PACS1: variants seen among roughly 807,000 people sequenced by gnomAD.
PACS1 encodes the protein PACS-1.
PACS1 carries 24 observed loss-of-function variants against 115.0 expected under a neutral mutation model. The observed-to-expected ratio is 0.21, with a 90% CI of 0.15 to 0.29. PACS1 has a LOEUF of 0.29. Among genes scored for constraint, PACS1 ranks in the 10% least tolerant of loss-of-function variants. PACS1 has a pLI of 1.00. For synonymous variants in PACS1, 453 were observed against 504.5 expected, an observed-to-expected ratio of 0.90 and a Z score of 1.37; for missense variants, 838 against 1,251.2, an observed-to-expected ratio of 0.67 and a Z score of 4.98.
At chr11:66,144,005 T>G (rs1427898064) in intron 1 of PACS1, among the ~76,000 whole-genome samples, 4 of 152,222 alleles carry the variant, frequency 2.6e-5, no homozygotes, top group Non-Finnish European at 4.4e-5. Flanking sequence ...GGAATTAACT[T>G]AGAGTGGACT....
At chr11:66,197,971 C>T (rs1008137252) in intron 2 of PACS1, among the ~76,000 whole-genome samples, 7 of 152,126 alleles carry the variant, frequency 4.6e-5, no homozygotes, top group Non-Finnish European at 5.9e-5. Flanking sequence ...TAGTTGTTTT[C>T]TATTAAGTCA....
Position 66,137,732 on chromosome 11 carries a change from C to T in PACS1, c.357-55754C>T, listed in dbSNP as rs138714427. 7.6e-4 allele frequency among the ~76,000 whole-genome samples: 115 copies of T among 152,200 alleles called. 1 individual carries two copies. Among genetic ancestry groups the T allele is most frequent in the African/African-American group, 2.7e-3 (112 of 41,520 alleles). On this transcript the variant is annotated intron_variant, in intron 1 of 23. Transcript: ENST00000320580. Reference sequence around the variant, plus strand: ...CTGTCCTTTGGACTCCAGTGGAGAGCCATTACTCACTGTTTCCTATTTTAG... The same window carrying T: ...CTGTCCTTTGGACTCCAGTGGAGAGTCATTACTCACTGTTTCCTATTTTAG...
chr11:66,137,392 C>T (rs1288080046), intron 1 of PACS1, among the ~76,000 whole-genome samples: 6 of 152,078 alleles, frequency 3.9e-5, no homozygotes, highest in African/African-American at 1.4e-4. Flanking sequence ...TTGAATTACT[C>T]ATTTTTTCCT....
At chr11:66,164,672 C>T (rs1859564086) in intron 1 of PACS1, among the ~76,000 whole-genome samples, 1 of 127,260 alleles carries the variant, frequency 7.9e-6, no homozygotes, top group African/African-American at 3.1e-5. Context: ...TGGTCTTGAA[C>T]TCCTGAGCTC....
chr11:66,203,839 A>G (rs1034877066), intron 2 of PACS1, among the ~76,000 whole-genome samples: 7 of 149,794 alleles, frequency 4.7e-5, no homozygotes, highest in Non-Finnish European at 7.4e-5. Flanking sequence ...CTCTCACTAT[A>G]TACAAAAATC....
At chr11:66,127,237 G>C (rs747310166) in intron 1 of PACS1, among the ~76,000 whole-genome samples, 1 of 152,192 alleles carries the variant, frequency 6.6e-6, no homozygotes, top group Non-Finnish European at 1.5e-5. Flanking sequence ...GGAAGGAGGA[G>C]GCATTCAAGT....
At chr11:66,214,018 G>A (rs1190157926) in intron 4 of PACS1, among the ~76,000 whole-genome samples, 3 of 129,744 alleles carry the variant, frequency 2.3e-5, no homozygotes, top group Admixed American at 9.1e-5. Context: ...GGGCGACAGC[G>A]CGAGACTCCA....
At chr11:66,222,642 C>G (rs1477583039) in intron 10 of PACS1, among the ~76,000 whole-genome samples, 11 of 152,186 alleles carry the variant, frequency 7.2e-5, no homozygotes, top group Admixed American at 5.9e-4. Flanking sequence ...CTCCTGTTCA[C>G]CTGCTTTACT....
chr11:66,151,514 C>T (rs190050612), intron 1 of PACS1, among the ~76,000 whole-genome samples: 4 of 152,262 alleles, frequency 2.6e-5, no homozygotes, highest in East Asian at 1.9e-4. Context: ...CTAGGCTAGA[C>T]GTTGTAAGAG....
Position 66,198,553 on chromosome 11 carries a change from C to G in PACS1, c.444+4980C>G, listed in dbSNP as rs895586517. Among the ~76,000 whole-genome samples the G allele has an allele frequency of 2.7e-5, 4 of 147,408 alleles. No homozygotes were observed. The South Asian group carries it at 6.4e-4, about 24-fold the overall frequency. Reference sequence around the variant, plus strand: ...CCATTTATATGAAATAGGCAGATCCCTAGGGTCAGGAAATAGATTGTAGTT... The same window carrying G: ...CCATTTATATGAAATAGGCAGATCCGTAGGGTCAGGAAATAGATTGTAGTT... On this transcript the variant is annotated intron_variant, in intron 2 of 23. Transcript: ENST00000320580.
chr11:66,079,310 T>TG (rs1857444946), intron 1 of PACS1, among the ~76,000 whole-genome samples: 1 of 148,974 alleles, frequency 6.7e-6, no homozygotes, highest in African/African-American at 2.4e-5. Flanking sequence ...CAGGTTTTTT[T>TG]TTTTTTTTTT....
rs142358054 is a variant in PACS1 at position 66,175,742 on chromosome 11, A to G, written c.357-17744A>G. Among the ~76,000 whole-genome samples, 615 of 152,320 alleles carry G rather than the reference A, an allele frequency of 4.0e-3. 4 individuals carry two copies. The highest frequency in any genetic ancestry group is 0.014 in the African/African-American group (562 of 41,574). On this transcript the variant is annotated intron_variant, in intron 1 of 23. Transcript: ENST00000320580. The stretch of plus-strand genomic sequence containing the variant: ...CTCCAGGACCAAGTGGATTTCCACA[A>G]ACCATGTTGGGGAGGGGTGTGAATG...
chr11:66,073,875 C>T (rs1303864505), intron 1 of PACS1, among the ~76,000 whole-genome samples: 1 of 150,846 alleles, frequency 6.6e-6, no homozygotes, highest in Non-Finnish European at 1.5e-5. Context: ...GCCTCAGCCT[C>T]CCAAGTAGCT....
chr11:66,220,252 G>A (rs762231936), intron 8 of PACS1: 112 of 286,208 alleles, frequency 3.9e-4, no homozygotes, highest in Non-Finnish European at 6.6e-4. Context: ...GGAGGGGCCC[G>A]TTTCCACAGG....
chr11:66,220,626 T>G lies in PACS1; in HGVS notation c.1039-5T>G. The G allele has an allele frequency of 6.2e-7, 1 of 1,614,048 alleles. No individual in the cohort carries two copies. ...CTAAATTCAGAGACTCCTTTTTCCC[T>G]GCAGGTGGGCTTTGGGCTGGAGCAT... On this transcript the variant is annotated splice_region_variant and splice_polypyrimidine_tract_variant and intron_variant, in intron 8 of 23. Transcript: ENST00000320580.
intron 1 of PACS1, among the ~76,000 whole-genome samples, chr11:66,109,984 C>G (rs891307995): frequency 3.3e-5 from 5 of 152,146 alleles, no homozygotes; most frequent in African/African-American, 9.7e-5. Context: ...AGTTATAGCT[C>G]CAGAGACTTC....
At chr11:66,171,984 GT>G (rs1859751591) in intron 1 of PACS1, among the ~76,000 whole-genome samples, 1 of 152,154 alleles carries the variant, frequency 6.6e-6, no homozygotes, top group African/African-American at 2.4e-5. Flanking sequence ...TTTAAAGTTA[GT>G]CAATTTCCAT....
intron 2 of PACS1, among the ~76,000 whole-genome samples, chr11:66,197,447 A>C (rs1854675759): frequency 6.6e-6 from 1 of 152,186 alleles, no homozygotes; most frequent in South Asian, 2.1e-4. Context: ...CTTTGCAACT[A>C]ATCTTTAGGA....
At chr11:66,085,959 G>T (rs1857558727) in intron 1 of PACS1, among the ~76,000 whole-genome samples, 1 of 152,128 alleles carries the variant, frequency 6.6e-6, no homozygotes, top group Non-Finnish European at 1.5e-5. Context: ...CAGGTGTATT[G>T]TGTTGGTCAC....
Sources: allele counts gnomAD v4.1 joint callset (sites outside exome capture counted in the v4.1 genomes callset), GRCh38; gene constraint gnomAD v4.1.1; transcripts MANE v1.5; gene names NCBI Gene and HGNC (gene_info 2026-07-23, HGNC 2026-07-21).